The following BTBD9 variants were observed in gnomAD, a reference collection of about 807,000 sequenced individuals.
The protein encoded by BTBD9 is BTB domain containing 9, also known as BTB/POZ domain-containing protein 9.
Under a neutral mutation model 64.3 loss-of-function variants are expected in BTBD9, and 49 were observed. That is an observed-to-expected ratio of 0.76 (90% CI 0.61 to 0.97). BTBD9 has a LOEUF of 0.97. Among genes scored for constraint, BTBD9 ranks in the 50% least tolerant of loss-of-function variants. The probability of loss-of-function intolerance (pLI) is 0.00; values close to 1 mark genes in which losing one functional copy is unlikely to be tolerated. For synonymous variants in BTBD9, 260 were observed against 274.7 expected, an observed-to-expected ratio of 0.95 and a Z score of 0.53; for missense variants, 598 against 762.1, an observed-to-expected ratio of 0.78 and a Z score of 2.53.
At chr6:38,556,960 C>T (rs1775052069) in intron 6 of BTBD9, among the ~76,000 whole-genome samples, 2 of 130,400 alleles carry the variant, frequency 1.5e-5, no homozygotes, top group Non-Finnish European at 3.1e-5. Flanking sequence ...TTGCAGTGAC[C>T]CGAGATCGGG....
chr6:38,356,226 A>G, intron 6 of BTBD9, among the ~76,000 whole-genome samples: 1 of 152,214 alleles, frequency 6.6e-6, no homozygotes, highest in Non-Finnish European at 1.5e-5. Context: ...CTGAGCACTC[A>G]GAAGGCTCTT....
intron 6 of BTBD9, among the ~76,000 whole-genome samples, chr6:38,496,664 A>AG (rs1337184963): frequency 1.3e-5 from 2 of 151,882 alleles, no homozygotes; most frequent in Admixed American, 6.6e-5. Flanking sequence ...TTAAAAAAAA[A>AG]AAAAAAAAGA....
chr6:38,463,644 A>C (rs927702447), intron 6 of BTBD9, among the ~76,000 whole-genome samples: 5 of 152,212 alleles, frequency 3.3e-5, no homozygotes, highest in African/African-American at 1.2e-4. Context: ...TTTGTGTTAT[A>C]AGCTCAACTG....
chr6:38,267,504 C>A (rs1273616734), intron 8 of BTBD9, among the ~76,000 whole-genome samples: 1 of 152,190 alleles, frequency 6.6e-6, no homozygotes, highest in Non-Finnish European at 1.5e-5. Context: ...ATCCAGTGGC[C>A]CCTCCCTTCA....
chr6:38,296,714 T>A (rs1279787137), intron 7 of BTBD9, among the ~76,000 whole-genome samples: 1 of 152,200 alleles, frequency 6.6e-6, no homozygotes, highest in Non-Finnish European at 1.5e-5. Context: ...TAAAAGTTAA[T>A]CATTTCTAAA....
chr6:38,434,745 A>G (rs1768631393), intron 6 of BTBD9, among the ~76,000 whole-genome samples: 1 of 152,124 alleles, frequency 6.6e-6, no homozygotes, highest in Middle Eastern at 3.4e-3. Flanking sequence ...GTAGTAGTCT[A>G]TCATGCAGGA....
chr6:38,203,141 T>C (rs2127493826), intron 9 of BTBD9, among the ~76,000 whole-genome samples: 1 of 152,224 alleles, frequency 6.6e-6, no homozygotes, highest in East Asian at 1.9e-4. Context: ...TTACCTCAGT[T>C]AGAATGCTAT....
intron 6 of BTBD9, among the ~76,000 whole-genome samples, chr6:38,516,301 G>T (rs1160510776): frequency 2.6e-5 from 4 of 151,930 alleles, no homozygotes; most frequent in Non-Finnish European, 5.9e-5. Flanking sequence ...AAAAAAAGAA[G>T]GGTTCAACTA....
intron 1 of BTBD9, among the ~76,000 whole-genome samples, chr6:38,635,998 T>C (rs1269712053): frequency 6.6e-6 from 1 of 152,132 alleles, no homozygotes; most frequent in Admixed American, 6.5e-5. Flanking sequence ...TCCTACTATC[T>C]CTACATCTAT....
intron 7 of BTBD9, among the ~76,000 whole-genome samples, chr6:38,306,682 A>G (rs192298261): frequency 1.3e-5 from 2 of 152,334 alleles, no homozygotes; most frequent in South Asian, 4.1e-4. Flanking sequence ...AAAAGGCAGT[A>G]TTACTTCAGT....
chr6:38,584,472 G>T (rs1776425778), intron 4 of BTBD9, among the ~76,000 whole-genome samples: 1 of 152,238 alleles, frequency 6.6e-6, no homozygotes, highest in African/African-American at 2.4e-5. Context: ...AAGGAGAAAT[G>T]AAGCAGAATG....
intron 7 of BTBD9, among the ~76,000 whole-genome samples, chr6:38,306,457 TCAGA>T (rs1426844940): frequency 6.6e-6 from 1 of 152,220 alleles, no homozygotes; most frequent in Non-Finnish European, 1.5e-5. Context: ...GCAATTCTGC[TCAGA>T]CAAATTTAAT....
At chr6:38,185,011 G>A (rs1202434322) in intron 10 of BTBD9, among the ~76,000 whole-genome samples, 1 of 152,122 alleles carries the variant, frequency 6.6e-6, no homozygotes, top group Non-Finnish European at 1.5e-5. Flanking sequence ...TGACACGCTC[G>A]TGGGCTGATC....
At chr6:38,596,440 G>A (rs1034211624) in intron 2 of BTBD9, among the ~76,000 whole-genome samples, 3 of 151,976 alleles carry the variant, frequency 2.0e-5, no homozygotes, top group African/African-American at 7.3e-5. Flanking sequence ...AATTATTTTT[G>A]AAAGAGGACA....
rs568499447 is a variant in BTBD9, at chr6:38,212,954, T to C, written c.1563-20357A>G. On this transcript the variant is annotated intron_variant, in intron 9 of 10. Coordinates refer to ENST00000481247, the MANE Select transcript of BTBD9 (RefSeq NM_001099272.2). ...ATGTTAAGAATTTGGCAATTTCATT[T>C]CCTAATGTTTTAAATACCAAAGGGA... 2.0e-5 allele frequency among the ~76,000 whole-genome samples: 3 copies of C among 152,186 alleles called. No homozygotes were observed. The South Asian group carries it at 6.2e-4, about 32-fold the overall frequency.
chr6:38,550,316 T>C (rs1562327779), intron 6 of BTBD9, among the ~76,000 whole-genome samples: 1 of 100,334 alleles, frequency 1.0e-5, no homozygotes, highest in East Asian at 2.7e-4. Context: ...TTTCTTTTTC[T>C]TTTTTCTTTT....
chr6:38,493,829 C>T (rs1771808503), intron 6 of BTBD9, among the ~76,000 whole-genome samples: 1 of 152,108 alleles, frequency 6.6e-6, no homozygotes, highest in African/African-American at 2.4e-5. Flanking sequence ...TTGGTTTTAG[C>T]GTTTTTAACT....
At chr6:38,617,801 G>A (rs1045941041) in intron 1 of BTBD9, among the ~76,000 whole-genome samples, 39 of 152,152 alleles carry the variant, frequency 2.6e-4, no homozygotes, top group African/African-American at 8.2e-4. Context: ...CATCTTCATA[G>A]GACAAGGGTA....
At chr6:38,556,736 G>A (rs2127452968) in intron 6 of BTBD9, among the ~76,000 whole-genome samples, 1 of 151,910 alleles carries the variant, frequency 6.6e-6, no homozygotes, top group South Asian at 2.1e-4. Context: ...AAGACCTTCG[G>A]CCGGGCGCGG....
Sources: allele counts gnomAD v4.1 joint callset (sites outside exome capture counted in the v4.1 genomes callset), GRCh38; gene constraint gnomAD v4.1.1; transcripts MANE v1.5; gene names NCBI Gene and HGNC (gene_info 2026-07-23, HGNC 2026-07-21).